Variants in TBC1D5 observed in about 807,000 individuals in gnomAD.
The protein encoded by TBC1D5 is TBC1 domain family member 5.
TBC1D5 carries 75 observed loss-of-function variants against 100.3 expected under a neutral mutation model. The observed-to-expected ratio is 0.75, with a 90% CI of 0.62 to 0.91. The LOEUF is 0.91. Ranked by LOEUF, TBC1D5 falls within the 40% of genes least tolerant of loss-of-function variation. TBC1D5 has a pLI of 0.00. For missense variants in TBC1D5, 910 were observed against 942.4 expected (o/e 0.97, Z 0.45); for synonymous variants, 323 against 325.6 (o/e 0.99, Z 0.09).
intron 4 of TBC1D5, among the ~76,000 whole-genome samples, chr3:17,413,956 G>C (rs2094001289): frequency 6.6e-6 from 1 of 152,174 alleles, no homozygotes; most frequent in Non-Finnish European, 1.5e-5. Flanking sequence ...ATTGCTGAGT[G>C]GTTAAGAGAA....
intron 4 of TBC1D5, among the ~76,000 whole-genome samples, chr3:17,414,852 A>C (rs1299384437): frequency 6.6e-6 from 1 of 152,166 alleles, no homozygotes; most frequent in Non-Finnish European, 1.5e-5. Flanking sequence ...ACATCAGGGC[A>C]TATCTCTTAT....
At chr3:17,562,158 T>C (rs1182091975) in intron 2 of TBC1D5, 1 of 151,742 alleles carries the variant, frequency 6.6e-6, no homozygotes, top group Non-Finnish European at 1.5e-5. Context: ...AAAAATTTAA[T>C]TAATTAAATT....
chr3:17,185,696 T>C (rs927457099), intron 18 of TBC1D5, among the ~76,000 whole-genome samples: 2 of 122,180 alleles, frequency 1.6e-5, no homozygotes, highest in African/African-American at 6.1e-5. Flanking sequence ...CTAGACTTTG[T>C]AAAAATAAAA....
intron 1 of TBC1D5, among the ~76,000 whole-genome samples, chr3:17,681,644 T>C (rs1366748062): frequency 2.0e-5 from 3 of 151,702 alleles, no homozygotes; most frequent in Admixed American, 2.0e-4. Context: ...GACCACTGGA[T>C]CATCCAACAT....
upstream of TBC1D5, among the ~76,000 whole-genome samples, chr3:17,741,737 T>C (rs1480002898): frequency 2.0e-5 from 3 of 149,616 alleles, no homozygotes; most frequent in Non-Finnish European, 4.4e-5. Context: ...AATCTTGTAG[T>C]GAAGGTCTGT....
At chr3:17,530,520 T>A (rs1471287007) in intron 2 of TBC1D5, among the ~76,000 whole-genome samples, 2 of 152,204 alleles carry the variant, frequency 1.3e-5, no homozygotes, top group Non-Finnish European at 2.9e-5. Flanking sequence ...AGACTCTTTA[T>A]TCTCTCACTC....
chr3:17,162,943 T>C (rs1223009524), intron 21 of TBC1D5, among the ~76,000 whole-genome samples: 1 of 152,188 alleles, frequency 6.6e-6, no homozygotes, highest in Non-Finnish European at 1.5e-5. Context: ...AACACAGGGC[T>C]GGAATGCTAC....
At chr3:17,697,485 C>T (rs946927771) in intron 1 of TBC1D5, among the ~76,000 whole-genome samples, 4 of 152,130 alleles carry the variant, frequency 2.6e-5, no homozygotes, top group Admixed American at 2.0e-4. Context: ...AGCCAAATCA[C>T]AAGTGAATTC....
At chr3:17,657,587 G>A (rs534244892) in intron 1 of TBC1D5, among the ~76,000 whole-genome samples, 4 of 151,988 alleles carry the variant, frequency 2.6e-5, no homozygotes, top group South Asian at 2.1e-4. Flanking sequence ...TGCCCGCCTC[G>A]GCCTCCCAAA....
chr3:17,348,314 G>A (rs111899378), intron 13 of TBC1D5, among the ~76,000 whole-genome samples: 1 of 152,144 alleles, frequency 6.6e-6, no homozygotes, highest in Non-Finnish European at 1.5e-5. Context: ...TCCACTGCCT[G>A]CTAATATATT....
intron 1 of TBC1D5, among the ~76,000 whole-genome samples, chr3:17,717,358 T>C (rs1487948655): frequency 3.9e-5 from 6 of 152,074 alleles, no homozygotes; most frequent in African/African-American, 1.4e-4. Flanking sequence ...TTAACATAAA[T>C]AATATTTGCG....
intron 2 of TBC1D5, among the ~76,000 whole-genome samples, chr3:17,527,143 T>A (rs2096147327): frequency 1.3e-5 from 2 of 151,924 alleles, no homozygotes; most frequent in African/African-American, 4.8e-5. Flanking sequence ...CAACAACACA[T>A]GATATGAAGA....
chr3:17,734,266 T>C (rs927113281), intron 1 of TBC1D5, among the ~76,000 whole-genome samples: 1 of 152,108 alleles, frequency 6.6e-6, no homozygotes, highest in African/African-American at 2.4e-5. Context: ...TACATATATA[T>C]GTGGAGGGCG....
intron 1 of TBC1D5, among the ~76,000 whole-genome samples, chr3:17,678,720 A>G (rs2069021593): frequency 6.6e-6 from 1 of 150,412 alleles, no homozygotes; most frequent in Non-Finnish European, 1.5e-5. Flanking sequence ...ATAACATCCC[A>G]AACTGAAAGA....
At chr3:17,721,398 G>GT (rs2075686501) in intron 1 of TBC1D5, among the ~76,000 whole-genome samples, 1 of 151,994 alleles carries the variant, frequency 6.6e-6, no homozygotes, top group African/African-American at 2.4e-5. Context: ...CAGGTTTACC[G>GT]TAAGTTAACT....
chr3:17,218,524 G>C (rs942491029), intron 17 of TBC1D5, among the ~76,000 whole-genome samples: 15 of 151,894 alleles, frequency 9.9e-5, no homozygotes, highest in African/African-American at 3.6e-4. Flanking sequence ...GTGTGGATTT[G>C]AACTGATGTC....
intron 2 of TBC1D5, among the ~76,000 whole-genome samples, chr3:17,546,439 T>C (rs1399299476): frequency 6.6e-6 from 1 of 152,142 alleles, no homozygotes; most frequent in Non-Finnish European, 1.5e-5. Flanking sequence ...CACTGTTACA[T>C]ATATAGTTAT....
intron 13 of TBC1D5, among the ~76,000 whole-genome samples, chr3:17,324,454 C>T (rs2085829605): frequency 6.6e-6 from 1 of 152,120 alleles, no homozygotes; most frequent in African/African-American, 2.4e-5. Context: ...CCAGCCTGGC[C>T]AACATGGTGA....
At chr3:17,691,567 C>T (rs2071165353) in intron 1 of TBC1D5, among the ~76,000 whole-genome samples, 1 of 152,234 alleles carries the variant, frequency 6.6e-6, no homozygotes, top group Admixed American at 6.5e-5. Context: ...ACTTGTAATC[C>T]CAGCACTTTG....
Sources: allele counts gnomAD v4.1 joint callset (sites outside exome capture counted in the v4.1 genomes callset), GRCh38; gene constraint gnomAD v4.1.1; transcripts MANE v1.5; gene names NCBI Gene and HGNC (gene_info 2026-07-23, HGNC 2026-07-21).